The following PDE4B variants were observed in gnomAD, a reference collection of about 807,000 sequenced individuals.
PDE4B encodes 3',5'-cyclic-AMP phosphodiesterase 4B.
In PDE4B, 20 loss-of-function variants were observed where a neutral mutation model predicts 82.2. The ratio of observed to expected loss-of-function variants is 0.24; its 90% confidence interval spans 0.17 to 0.35. The LOEUF (loss-of-function observed/expected upper bound fraction) is 0.35, where lower values mean the gene tolerates loss of function less well. Ranked by LOEUF, PDE4B falls within the 10% of genes least tolerant of loss-of-function variation. The pLI is 1.00. For synonymous variants in PDE4B, 320 were observed against 318.9 expected, an observed-to-expected ratio of 1.00 and a Z score of -0.04; for missense variants, 655 against 907.2, an observed-to-expected ratio of 0.72 and a Z score of 3.57.
chr1:66,026,503 A>T lies in PDE4B; in HGVS notation c.281+107668A>T, dbSNP rs1653441675. On this transcript the variant is annotated intron_variant, in intron 3 of 16. Transcript: ENST00000341517. ...GTTCTGCTACCTATGGTAACAGGAC[A>T]GAAGCATTTAATCTCTATGTTTTGT... 2.6e-5 allele frequency among the ~76,000 whole-genome samples: 4 copies of T among 152,334 alleles called. No individual in the cohort carries two copies. In the South Asian group the frequency reaches 8.3e-4, roughly 32 times the overall value.
chr1:65,977,611 T>A (rs1388444427), intron 3 of PDE4B, among the ~76,000 whole-genome samples: 1 of 152,198 alleles, frequency 6.6e-6, no homozygotes, highest in Non-Finnish European at 1.5e-5. Context: ...AGATCTAACA[T>A]TGTTCTATGT....
At chr1:65,895,487 T>C (rs1216137045) in intron 1 of PDE4B, among the ~76,000 whole-genome samples, 1 of 147,548 alleles carries the variant, frequency 6.8e-6, no homozygotes, top group Non-Finnish European at 1.5e-5. Flanking sequence ...GTTGCAGAGG[T>C]TGCAGTGAGC....
At chr1:66,062,516 A>G (rs1035478387) in intron 3 of PDE4B, among the ~76,000 whole-genome samples, 2 of 152,098 alleles carry the variant, frequency 1.3e-5, no homozygotes, top group Non-Finnish European at 2.9e-5. Context: ...AAGGAGAAGG[A>G]CATTTTGTTC....
rs527302986 is a variant in PDE4B, at chr1:65,838,629, G to A, written c.-71+45381G>A. 2.2e-4 allele frequency among the ~76,000 whole-genome samples: 33 copies of A among 148,718 alleles called. No homozygotes were observed. In the South Asian group the frequency reaches 6.5e-3, roughly 29 times the overall value. Reference sequence around the variant, plus strand: ...TATGTATATGTGTATATATATGTGTGTATATATATACATATACATATATAT... The same window carrying A: ...TATGTATATGTGTATATATATGTGTATATATATATACATATACATATATAT... On this transcript the variant is annotated intron_variant, in intron 1 of 16. Coordinates refer to ENST00000341517, the MANE Select transcript of PDE4B (RefSeq NM_002600.4).
intron 3 of PDE4B, among the ~76,000 whole-genome samples, chr1:65,943,190 A>G (rs1201679666): frequency 6.6e-6 from 1 of 151,786 alleles, no homozygotes; most frequent in Admixed American, 6.6e-5. Flanking sequence ...ATTTTTGTTT[A>G]TGGTATGAGA....
chr1:66,247,780 A>G (rs1653438733), intron 4 of PDE4B, 126 bp downstream of exon 4: 1 of 664,968 alleles, frequency 1.5e-6, no homozygotes, highest in African/African-American at 1.8e-5. Context: ...GAATATGAGC[A>G]GGGGTGACGT....
At chr1:66,205,457 G>T (rs1012486540) in intron 3 of PDE4B, among the ~76,000 whole-genome samples, 2 of 151,978 alleles carry the variant, frequency 1.3e-5, no homozygotes, top group Admixed American at 6.6e-5. Context: ...TTGTAATTTT[G>T]AATCTAGCTT....
At chr1:66,258,995 T>A (rs1336041426) in intron 6 of PDE4B, among the ~76,000 whole-genome samples, 1 of 152,156 alleles carries the variant, frequency 6.6e-6, no homozygotes, top group Admixed American at 6.5e-5. Flanking sequence ...TGGTCCAGTG[T>A]TATCATTAAG....
At chr1:65,863,081 A>G (rs1003590625) in intron 1 of PDE4B, among the ~76,000 whole-genome samples, 1 of 151,174 alleles carries the variant, frequency 6.6e-6, no homozygotes, top group Non-Finnish European at 1.5e-5. Flanking sequence ...TAGTTTTTTT[A>G]ATTGTGATGT....
At chr1:66,354,607 T>C (rs1188857631) in intron 8 of PDE4B, 2 of 1,343,706 alleles carry the variant, frequency 1.5e-6, no homozygotes, top group Non-Finnish European at 1.9e-6. Flanking sequence ...CCTGATTTCA[T>C]TACTCTCTTC....
At chr1:65,842,818 T>C (rs576462503) in intron 1 of PDE4B, among the ~76,000 whole-genome samples, 1 of 152,244 alleles carries the variant, frequency 6.6e-6, no homozygotes, top group East Asian at 1.9e-4. Context: ...TGTTACATGG[T>C]AATAGAGTTG....
intron 3 of PDE4B, among the ~76,000 whole-genome samples, chr1:65,963,592 T>C (rs766173168): frequency 5.3e-5 from 8 of 152,198 alleles, no homozygotes; most frequent in Non-Finnish European, 1.0e-4. Flanking sequence ...TGTTGTCAGC[T>C]TATCATCCCC....
chr1:66,264,715 G>T (rs531553355), intron 6 of PDE4B, among the ~76,000 whole-genome samples: 38 of 152,330 alleles, frequency 2.5e-4, no homozygotes, highest in African/African-American at 9.1e-4. Context: ...TAAAGGACCA[G>T]AGATTAATTC....
intron 10 of PDE4B, among the ~76,000 whole-genome samples, chr1:66,362,601 C>G (rs1357200951): frequency 2.6e-5 from 4 of 152,084 alleles, no homozygotes; most frequent in Non-Finnish European, 4.4e-5. Flanking sequence ...CAACACAGGC[C>G]TGAGTGATGT....
chr1:66,117,869 C>A (rs969267800), intron 3 of PDE4B, among the ~76,000 whole-genome samples: 1 of 152,074 alleles, frequency 6.6e-6, no homozygotes, highest in Non-Finnish European at 1.5e-5. Context: ...AAAAACCAAA[C>A]CCTAAGGAAT....
At chr1:66,322,807 A>G (rs976059379) in intron 7 of PDE4B, among the ~76,000 whole-genome samples, 3 of 152,040 alleles carry the variant, frequency 2.0e-5, no homozygotes, top group African/African-American at 7.2e-5. Context: ...CTAGGTTACT[A>G]GGTAATGTTT....
chr1:65,885,716 TG>T (rs1378318266), intron 1 of PDE4B, among the ~76,000 whole-genome samples: 2 of 149,508 alleles, frequency 1.3e-5, no homozygotes, highest in African/African-American at 4.9e-5. Flanking sequence ...TGTTGTGGGG[TG>T]GGGGAAGTGG....
chr1:66,209,213 T>C (rs987539523), intron 3 of PDE4B, among the ~76,000 whole-genome samples: 2 of 152,234 alleles, frequency 1.3e-5, no homozygotes, highest in African/African-American at 4.8e-5. Context: ...AGAAGGAAGC[T>C]TGTATGTAGC....
intron 3 of PDE4B, among the ~76,000 whole-genome samples, chr1:66,040,234 A>G (rs1468318655): frequency 6.6e-6 from 1 of 152,084 alleles, no homozygotes; most frequent in Non-Finnish European, 1.5e-5. Flanking sequence ...CAAACCTGTT[A>G]GTAGAGCACA....
Sources: gnomAD v4.1 joint callset for allele counts (sites outside exome capture counted in the v4.1 genomes callset) on GRCh38, gnomAD v4.1.1 for gene constraint, MANE v1.5 for transcripts, NCBI Gene and HGNC (gene_info 2026-07-23, HGNC 2026-07-21) for gene names.